Variants in PEAK1 observed in about 807,000 individuals in gnomAD.
The protein encoded by PEAK1 is inactive tyrosine-protein kinase PEAK1.
A neutral mutation model predicts 124.7 loss-of-function variants in PEAK1; 54 were observed. The ratio of observed to expected loss-of-function variants is 0.43; its 90% confidence interval spans 0.35 to 0.54. The LOEUF (loss-of-function observed/expected upper bound fraction) is 0.54, where lower values mean the gene tolerates loss of function less well. Among genes scored for constraint, PEAK1 ranks in the 20% least tolerant of loss-of-function variants. PEAK1 has a pLI of 0.01. For missense variants in PEAK1, 2,046 were observed against 2,134.5 expected (o/e 0.96, Z 0.82); for synonymous variants, 719 against 760.0 (o/e 0.95, Z 0.89).
intron 7 of PEAK1, among the ~76,000 whole-genome samples, chr15:77,174,187 A>T (rs1596466684): frequency 6.6e-6 from 1 of 152,336 alleles, no homozygotes; most frequent in African/African-American, 2.4e-5. Context: ...AGTTAAATAA[A>T]TGAACTTAGT....
intron 6 of PEAK1, among the ~76,000 whole-genome samples, chr15:77,244,745 T>C (rs938136155): frequency 1.3e-5 from 2 of 151,926 alleles, no homozygotes; most frequent in Non-Finnish European, 2.9e-5. Context: ...TGCACCACCA[T>C]GCCCAGCTAA....
rs574142966 is a variant in PEAK1, at chr15:77,144,419, T to C, written c.3332-10669A>G. Among the ~76,000 whole-genome samples, 46 of 152,360 alleles carry C rather than the reference T, an allele frequency of 3.0e-4. 1 individual carries two copies. Among genetic ancestry groups the C allele is most frequent in the South Asian group, 1.2e-3 (6 of 4,824 alleles). On this transcript the variant is annotated intron_variant, in intron 8 of 9. Coordinates refer to ENST00000682557, the MANE Select transcript of PEAK1 (RefSeq NM_001385026.1). Reference sequence around the variant, plus strand: ...GAAGCCACAGCTTCTTCCTCTGTGTTCTCTTAGCACTTTTTGCTTTACTAA... The same window carrying C: ...GAAGCCACAGCTTCTTCCTCTGTGTCCTCTTAGCACTTTTTGCTTTACTAA...
At position 77,280,540 on chromosome 15, in the gene PEAK1, G is replaced by A. The variant is rs1461371163; in HGVS notation, c.-275+3343C>T. Among the ~76,000 whole-genome samples the A allele has an allele frequency of 2.7e-5, 4 of 149,738 alleles. 1 individual carries two copies. Among genetic ancestry groups the A allele is most frequent in the Admixed American group, 2.7e-4 (4 of 14,974 alleles). ...CACCCTTAGTTTCACTTTGCAAAAT[G>A]TAAGGGGATAATCAAATGATTTCCT... On this transcript the variant is annotated intron_variant, in intron 5 of 9. Transcript: ENST00000682557.
chr15:77,357,180 G>A (rs1381076467), intron 2 of PEAK1, among the ~76,000 whole-genome samples: 1 of 152,226 alleles, frequency 6.6e-6, no homozygotes, highest in Non-Finnish European at 1.5e-5. Flanking sequence ...TGAAGTGGGA[G>A]GATCATGTGA....
intron 2 of PEAK1, chr15:77,350,554 T>C (rs2067145407): frequency 1.0e-6 from 1 of 979,706 alleles, no homozygotes; most frequent in Admixed American, 6.2e-5. Context: ...CTCCTTAGTG[T>C]TAAATTTATA....
chr15:77,350,968 A>G (rs1216182662), intron 2 of PEAK1: 1 of 982,704 alleles, frequency 1.0e-6, no homozygotes, highest in South Asian at 4.7e-5. Context: ...TCTTCATTCA[A>G]TACACATCTA....
chr15:77,250,743 A>G (rs1352974020), intron 6 of PEAK1, among the ~76,000 whole-genome samples: 1 of 151,830 alleles, frequency 6.6e-6, no homozygotes, highest in African/African-American at 2.4e-5. Flanking sequence ...TAATTTTTAT[A>G]TTTTTAATAG....
chr15:77,417,635 TAAAC>T lies in PEAK1; in HGVS notation c.-666+2367_-666+2370del, dbSNP rs141796557. ...GCCACAGTTTGGTTACTAAATTACTTAAACAACCCATCCAACAAAAGGGTATGAT... is the reference window on the plus strand; with the variant it reads ...GCCACAGTTTGGTTACTAAATTACTTAACCCATCCAACAAAAGGGTATGAT... On this transcript the variant is annotated intron_variant, in intron 1 of 9. Coordinates refer to ENST00000682557, the MANE Select transcript of PEAK1 (RefSeq NM_001385026.1). 1,762 of 985,406 alleles carry T rather than the reference TAAAC, an allele frequency of 1.8e-3. 21 individuals are homozygous for T. The African/African-American group carries it at 0.026, about 15-fold the overall frequency. The allele number at this position is 985,406 out of a possible 1,614,324, so 61.0% of individuals were successfully genotyped here.
chr15:77,378,188 T>TTATATACATA (rs1555497621), intron 1 of PEAK1, among the ~76,000 whole-genome samples: 1 of 129,694 alleles, frequency 7.7e-6, no homozygotes, highest in Non-Finnish European at 1.7e-5. Context: ...TATAACAATA[T>TTATATACATA]TATATATATA....
chr15:77,126,569 T>C (rs898415771), intron 9 of PEAK1, among the ~76,000 whole-genome samples: 10 of 152,236 alleles, frequency 6.6e-5, no homozygotes, highest in African/African-American at 2.4e-4. Flanking sequence ...TTTTCCATTA[T>C]TGTTAATAAC....
chr15:77,227,825 C>A (rs992137373), intron 6 of PEAK1, among the ~76,000 whole-genome samples: 1 of 151,788 alleles, frequency 6.6e-6, no homozygotes, highest in Non-Finnish European at 1.5e-5. Context: ...TAGCAAGGCT[C>A]CAGGTCAACT....
intron 6 of PEAK1, among the ~76,000 whole-genome samples, chr15:77,231,634 T>C (rs905181128): frequency 6.6e-6 from 1 of 152,152 alleles, no homozygotes; most frequent in Admixed American, 6.5e-5. Flanking sequence ...TTTTCAGATA[T>C]GGTCAAAAAC....
At chr15:77,211,662 A>G (rs943458681) in intron 6 of PEAK1, among the ~76,000 whole-genome samples, 1 of 152,054 alleles carries the variant, frequency 6.6e-6, no homozygotes, top group Admixed American at 6.6e-5. Context: ...CAGCTGGCCA[A>G]TGTGGTGAAA....
intron 5 of PEAK1, among the ~76,000 whole-genome samples, chr15:77,264,760 A>C (rs532995303): frequency 9.2e-5 from 14 of 152,294 alleles, no homozygotes; most frequent in African/African-American, 3.1e-4. Flanking sequence ...ACTACTTTAA[A>C]GTTCATATGA....
chr15:77,407,681 A>G (rs1047705157), intron 1 of PEAK1, among the ~76,000 whole-genome samples: 1 of 152,188 alleles, frequency 6.6e-6, no homozygotes, highest in Non-Finnish European at 1.5e-5. Flanking sequence ...TACAACCACT[A>G]TGGAAAACAG....
At chr15:77,318,628 T>C (rs2065015730) in intron 2 of PEAK1, among the ~76,000 whole-genome samples, 1 of 152,056 alleles carries the variant, frequency 6.6e-6, no homozygotes, top group African/African-American at 2.4e-5. Context: ...ACTCATTAAT[T>C]TATAAGTTAT....
intron 7 of PEAK1, among the ~76,000 whole-genome samples, chr15:77,172,884 C>G (rs1258939143): frequency 6.6e-6 from 1 of 152,156 alleles, no homozygotes; most frequent in Non-Finnish European, 1.5e-5. Context: ...TCCTGAGTAC[C>G]TGGGATCACA....
At chr15:77,207,368 A>C (rs2152856655) in intron 6 of PEAK1, among the ~76,000 whole-genome samples, 1 of 152,322 alleles carries the variant, frequency 6.6e-6, no homozygotes, top group East Asian at 1.9e-4. Flanking sequence ...AACCAACAAA[A>C]TCTCAATTAT....
At chr15:77,229,270 C>T (rs1301894837) in intron 6 of PEAK1, among the ~76,000 whole-genome samples, 1 of 152,104 alleles carries the variant, frequency 6.6e-6, no homozygotes, top group Non-Finnish European at 1.5e-5. Flanking sequence ...CACAATGTGG[C>T]TAGTAATAAC....
Sources: gnomAD v4.1 joint callset for allele counts (sites outside exome capture counted in the v4.1 genomes callset) on GRCh38, gnomAD v4.1.1 for gene constraint, MANE v1.5 for transcripts, NCBI Gene and HGNC (gene_info 2026-07-23, HGNC 2026-07-21) for gene names.